The following OR4A47 variants were observed in gnomAD, a reference collection of about 807,000 sequenced individuals.
The protein encoded by OR4A47 is olfactory receptor 4A47.
Under a neutral mutation model 16.2 loss-of-function variants are expected in OR4A47, and 19 were observed. The observed-to-expected ratio is 1.17, with a 90% confidence interval of 0.82 to 1.72. OR4A47 has a LOEUF of 1.72. Ranked by LOEUF, OR4A47 falls within the 40% of genes most tolerant of loss-of-function variation. The pLI is 0.00. For missense variants in OR4A47, 460 were observed against 361.1 expected (o/e 1.27, Z -2.22); for synonymous variants, 180 against 136.0 (o/e 1.32, Z -2.25).
In OR4A47 at chr11:48,488,929, C is replaced by A; in HGVS notation, c.137C>A (p.Thr46Asn). ...GTGGGCAACCTGCTCATTGTAGTGACCGTAACTGTCAGTGAGACCCTGGGC... is the reference window on the plus strand; with the variant it reads ...GTGGGCAACCTGCTCATTGTAGTGAACGTAACTGTCAGTGAGACCCTGGGC... The part of the protein sequence containing the change: ...TMVGNLLIVV[T>N]VTVSETLGSP... The change falls in exon 1 of 1, where the codon ACC becomes AAC. Residue 46 changes from threonine to asparagine, a missense_variant. Coordinates refer to ENST00000446524, the MANE Select transcript of OR4A47 (RefSeq NM_001005512.2). 1.2e-6 allele frequency: 2 copies of A among 1,613,738 alleles called. No homozygotes were observed. The highest frequency in any genetic ancestry group is 1.7e-6 in the Non-Finnish European group (2 of 1,179,776).
chr11:48,489,676 C>T lies in OR4A47; in HGVS notation c.884C>T (p.Ala295Val), dbSNP rs770395557. The T allele has an allele frequency of 6.8e-6, 11 of 1,611,392 alleles. No individual in the cohort carries two copies. The highest frequency in any genetic ancestry group is 3.3e-5 in the South Asian group (3 of 91,040). The part of the protein sequence containing the change: ...YTLRNSEMTS[A>V]MKKLWRRDLI... ...CTGAGAAATTCTGAGATGACAAGTG[C>T]TATGAAGAAGCTCTGGAGAAGAGAC... The change falls in exon 1 of 1, where the codon GCT (alanine) becomes GTT (valine). Residue 295 changes from alanine to valine, a missense_variant. By Grantham distance (64) the Ala-to-Val change is moderately conservative. Coordinates refer to ENST00000446524, the MANE Select transcript of OR4A47 (RefSeq NM_001005512.2).
In OR4A47 at chr11:48,488,929, C is replaced by G; in HGVS notation, c.137C>G (p.Thr46Ser). 6.2e-7 allele frequency: 1 copy of G among 1,613,738 alleles called. No homozygotes were observed. The highest frequency in any genetic ancestry group is 1.7e-4 in the Middle Eastern group (1 of 6,054). The change falls in exon 1 of 1, where the codon ACC (threonine) becomes AGC (serine). Residue 46 changes from threonine (T) to serine (S), a missense_variant. Transcript: ENST00000446524. ...GTGGGCAACCTGCTCATTGTAGTGACCGTAACTGTCAGTGAGACCCTGGGC... is the reference window on the plus strand; with the variant it reads ...GTGGGCAACCTGCTCATTGTAGTGAGCGTAACTGTCAGTGAGACCCTGGGC... ...TMVGNLLIVVTVTVSETLGSP... is the reference protein window; with the variant it reads ...TMVGNLLIVVSVTVSETLGSP...
In OR4A47 at chr11:48,489,422, G is replaced by A. The variant is rs745372067; in HGVS notation, c.630G>A (p.Leu210=). The A allele has an allele frequency of 3.1e-6, 5 of 1,613,612 alleles. No homozygotes were observed. Among genetic ancestry groups the A allele is most frequent in the African/African-American group, 2.7e-5 (2 of 74,868 alleles). Residue 210 remains leucine (L), a synonymous_variant, in exon 1 of 1, where the codon CTG becomes CTA. Coordinates refer to ENST00000446524, the MANE Select transcript of OR4A47 (RefSeq NM_001005512.2). ...NGGLACTIVF[L]LLLISYGVIL... ...GACTGGCTTGCACTATTGTGTTTCT[G>A]CTCTTACTCATCTCTTATGGTGTCA...
chr11:48,489,254 A>G lies in OR4A47; in HGVS notation c.462A>G (p.Ser154=). Residue 154 remains serine (S), a synonymous_variant, in exon 1 of 1, where the codon TCA becomes TCG. Coordinates refer to ENST00000446524, the MANE Select transcript of OR4A47 (RefSeq NM_001005512.2). ...CCTGGGTTGGAGGATTTCTGCACTC[A>G]GTATTTCAACTTAGCATTATTTATG... is the stretch of plus-strand genomic sequence containing the variant. ...VVSWVGGFLH[S]VFQLSIIYGL... is the part of the protein sequence containing the mutation. The G allele has an allele frequency of 6.2e-7, 1 of 1,613,730 alleles. No homozygotes were observed. Among genetic ancestry groups the G allele is most frequent in the South Asian group, 1.1e-5 (1 of 91,044 alleles).
In OR4A47 at chr11:48,489,054, A is replaced by G. The variant is rs1852669658; in HGVS notation, c.262A>G (p.Asn88Asp). The G allele has an allele frequency of 6.2e-7, 1 of 1,613,668 alleles. No individual in the cohort carries two copies. Among genetic ancestry groups the G allele is most frequent in the Non-Finnish European group, 8.5e-7 (1 of 1,179,826 alleles). ...GATTTCAGGCTTGTTCTTTGGGAAT[A>G]ATTCCATATCCTTCCAATCTTGCAT... ...RLISGLFFGNNSISFQSCMAQ... is the reference protein window; with the variant it reads ...RLISGLFFGNDSISFQSCMAQ... The change falls in exon 1 of 1, where the codon AAT (asparagine) becomes GAT (aspartate). Residue 88 changes from asparagine to aspartate, a missense_variant. Physicochemically the swap from Asn to Asp is conservative, Grantham distance 23 (BLOSUM62 1). Transcript: ENST00000446524.
At position 48,489,683 on chromosome 11, in the gene OR4A47, G is replaced by A. The variant is rs774657633; in HGVS notation, c.891G>A (p.Lys297=). The change falls in exon 1 of 1, where the codon AAG becomes AAA. Residue 297 remains lysine (K), a synonymous_variant. Transcript: ENST00000446524. ...ATTCTGAGATGACAAGTGCTATGAA[G>A]AAGCTCTGGAGAAGAGACCTCATAT... is the stretch of plus-strand genomic sequence containing the variant. ...LRNSEMTSAM[K]KLWRRDLISS... 34 of 1,610,602 alleles carry A rather than the reference G, an allele frequency of 2.1e-5. No homozygotes were observed. Among genetic ancestry groups the A allele is most frequent in the South Asian group, 5.5e-5 (5 of 91,052 alleles).
rs185596655 is a variant in OR4A47 at position 48,489,391 on chromosome 11, A to G, written c.599A>G (p.Asn200Ser). The change falls in exon 1 of 1, where the codon AAT (asparagine) becomes AGT (serine). Residue 200 changes from asparagine (N) to serine (S), a missense_variant. Coordinates refer to ENST00000446524, the MANE Select transcript of OR4A47 (RefSeq NM_001005512.2). ...THAIGLLVVA[N>S]GGLACTIVFL... Reference sequence around the variant, plus strand: ...GCTATTGGCCTCTTAGTGGTGGCCAATGGAGGACTGGCTTGCACTATTGTG... The same window carrying G: ...GCTATTGGCCTCTTAGTGGTGGCCAGTGGAGGACTGGCTTGCACTATTGTG... The G allele has an allele frequency of 1.1e-5, 18 of 1,613,836 alleles. No individual in the cohort carries two copies. The highest frequency in any genetic ancestry group is 8.9e-5 in the East Asian group (4 of 44,870).
In OR4A47 at chr11:48,489,164, C is replaced by A; in HGVS notation, c.372C>A (p.Ile124=). 1 of 1,613,930 alleles carries A rather than the reference C, an allele frequency of 6.2e-7. No homozygotes were observed. The highest frequency in any genetic ancestry group is 8.5e-7 in the Non-Finnish European group (1 of 1,179,904). ...LVMAYDCYVA[I]CKPLHYLVIM... ...TGGCCTATGACTGCTATGTGGCCAT[C>A]TGTAAGCCCTTGCATTATTTGGTTA... The change falls in exon 1 of 1, where the codon ATC becomes ATA. Residue 124 remains isoleucine (I), a synonymous_variant. Transcript: ENST00000446524.
In OR4A47 at chr11:48,489,208, G is replaced by A; in HGVS notation, c.416G>A (p.Cys139Tyr). 2 of 1,613,794 alleles carry A rather than the reference G, an allele frequency of 1.2e-6. No individual in the cohort carries two copies. The highest frequency in any genetic ancestry group is 1.7e-6 in the Non-Finnish European group (2 of 1,179,816). ...TTGGTTATCATGAGACAATGGGTGT[G>A]TGTTGTGCTGCTGGTAGTGTCCTGG... ...HYLVIMRQWV[C>Y]VVLLVVSWVG... Residue 139 changes from cysteine to tyrosine, a missense_variant, in exon 1 of 1, where the codon TGT (cysteine) becomes TAT (tyrosine). Coordinates refer to ENST00000446524, the MANE Select transcript of OR4A47 (RefSeq NM_001005512.2).
Position 48,489,573 on chromosome 11 carries a change from A to G in OR4A47, c.781A>G (p.Arg261Gly), listed in dbSNP as rs768790757. 10 of 1,613,886 alleles carry G rather than the reference A, an allele frequency of 6.2e-6. No homozygotes were observed. Among genetic ancestry groups the G allele is most frequent in the Non-Finnish European group, 3.4e-6 (4 of 1,179,856 alleles). Reference protein sequence around the residue: ...PCIFMYARPARTFPIDKSVSV... With the variant: ...PCIFMYARPAGTFPIDKSVSV... ...TATTTTTATGTATGCTAGACCTGCT[A>G]GGACCTTCCCCATTGACAAATCAGT... The change falls in exon 1 of 1, where the codon AGG becomes GGG. Residue 261 changes from arginine to glycine, a missense_variant. By Grantham distance (125) the Arg-to-Gly change is moderately radical (BLOSUM62 -2). Coordinates refer to ENST00000446524, the MANE Select transcript of OR4A47 (RefSeq NM_001005512.2).
chr11:48,488,930 C>T lies in OR4A47; in HGVS notation c.138C>T (p.Thr46=), dbSNP rs139144827. Residue 46 remains threonine (T), a synonymous_variant, in exon 1 of 1, where the codon ACC becomes ACT. Coordinates refer to ENST00000446524, the MANE Select transcript of OR4A47 (RefSeq NM_001005512.2). ...TGGGCAACCTGCTCATTGTAGTGACCGTAACTGTCAGTGAGACCCTGGGCT... is the reference window on the plus strand; with the variant it reads ...TGGGCAACCTGCTCATTGTAGTGACTGTAACTGTCAGTGAGACCCTGGGCT... ...TMVGNLLIVV[T]VTVSETLGSP... 150 of 1,613,520 alleles carry T rather than the reference C, an allele frequency of 9.3e-5. No homozygotes were observed. Among genetic ancestry groups the T allele is most frequent in the Non-Finnish European group, 1.2e-4 (139 of 1,179,738 alleles).
rs773681256 is a variant in OR4A47 at position 48,489,627 on chromosome 11, A to T, written c.835A>T (p.Met279Leu). 30 of 1,612,980 alleles carry T rather than the reference A, an allele frequency of 1.9e-5. No homozygotes were observed. The South Asian group carries it at 2.9e-4, about 15-fold the overall frequency. The change falls in exon 1 of 1, where the codon ATG (methionine) becomes TTG (leucine). Residue 279 changes from methionine to leucine, a missense_variant. Met to Leu is a conservative substitution (Grantham distance 15). Coordinates refer to ENST00000446524, the MANE Select transcript of OR4A47 (RefSeq NM_001005512.2). Reference sequence around the variant, plus strand: ...TGTGTTTTATACAGTCATAACCCCAATGCTGAACCCCTTAATCTACACTCT... The same window carrying T: ...TGTGTTTTATACAGTCATAACCCCATTGCTGAACCCCTTAATCTACACTCT... ...VSVFYTVITP[M>L]LNPLIYTLRN...
Position 48,489,294 on chromosome 11 carries a change from G to A in OR4A47, c.502G>A (p.Gly168Ser). Residue 168 changes from glycine to serine, a missense_variant, in exon 1 of 1, where the codon GGC becomes AGC. Coordinates refer to ENST00000446524, the MANE Select transcript of OR4A47 (RefSeq NM_001005512.2). ...CATTATTTATGGGCTCCCATTCTGT[G>A]GCCCCAATGTCATTGATCATTTTTT... ...LSIIYGLPFC[G>S]PNVIDHFFCD... is the part of the protein sequence containing the mutation. 6.2e-7 allele frequency: 1 copy of A among 1,613,728 alleles called. No individual in the cohort carries two copies. Among genetic ancestry groups the A allele is most frequent in the Non-Finnish European group, 8.5e-7 (1 of 1,179,802 alleles).
rs765912978 is a variant in OR4A47, at chr11:48,488,977, C to T, written c.185C>T (p.Ala62Val). The change falls in exon 1 of 1, where the codon GCT becomes GTT. Residue 62 changes from alanine to valine, a missense_variant. Transcript: ENST00000446524. ...GGCTCACCAATGTACTTCTTTCTTG[C>T]TGGCTTATCATTTATAGATATCATT... ...TLGSPMYFFL[A>V]GLSFIDIIYS... The T allele has an allele frequency of 1.9e-6, 3 of 1,613,860 alleles. No individual in the cohort carries two copies. The Admixed American group carries it at 5.0e-5, about 27-fold the overall frequency.
rs753260513 is a variant in OR4A47, at chr11:48,489,472, G to A, written c.680G>A (p.Ser227Asn). ...ATCTTGCACTCTTTAAAGAACCTTA[G>A]TCAGAAAGGGAGGCAAAAAGCCCTC... is the stretch of plus-strand genomic sequence containing the variant. ...GVILHSLKNL[S>N]QKGRQKALST... Residue 227 changes from serine to asparagine, a missense_variant, in exon 1 of 1, where the codon AGT becomes AAT. Transcript: ENST00000446524. The A allele has an allele frequency of 3.7e-6, 6 of 1,613,794 alleles. No individual in the cohort carries two copies. The highest frequency in any genetic ancestry group is 1.1e-5 in the South Asian group (1 of 91,056).
rs759878805 is a variant in OR4A47 at position 48,489,058 on chromosome 11, C to G, written c.266C>G (p.Ser89Cys). Residue 89 changes from serine to cysteine, a missense_variant, in exon 1 of 1, where the codon TCC becomes TGC. Physicochemically the swap from Ser to Cys is moderately radical, Grantham distance 112 (BLOSUM62 -1). Coordinates refer to ENST00000446524, the MANE Select transcript of OR4A47 (RefSeq NM_001005512.2). ...TCAGGCTTGTTCTTTGGGAATAATT[C>G]CATATCCTTCCAATCTTGCATGGCC... ...LISGLFFGNN[S>C]ISFQSCMAQL... 1 of 1,613,854 alleles carries G rather than the reference C, an allele frequency of 6.2e-7. No homozygotes were observed. Among genetic ancestry groups the G allele is most frequent in the East Asian group, 2.2e-5 (1 of 44,882 alleles).
rs746132048 is a variant in OR4A47, at chr11:48,489,564, A to G, written c.772A>G (p.Arg258Gly). ...TGTTCCTTGTATTTTTATGTATGCTAGACCTGCTAGGACCTTCCCCATTGA... is the reference window on the plus strand; with the variant it reads ...TGTTCCTTGTATTTTTATGTATGCTGGACCTGCTAGGACCTTCCCCATTGA... ...FFVPCIFMYARPARTFPIDKS... is the reference protein window; with the variant it reads ...FFVPCIFMYAGPARTFPIDKS... Residue 258 changes from arginine to glycine, a missense_variant, in exon 1 of 1, where the codon AGA (arginine) becomes GGA (glycine). Transcript: ENST00000446524. 1 of 1,613,896 alleles carries G rather than the reference A, an allele frequency of 6.2e-7. No homozygotes were observed. Among genetic ancestry groups the G allele is most frequent in the Non-Finnish European group, 8.5e-7 (1 of 1,179,856 alleles).
chr11:48,488,839 C>T lies in OR4A47; in HGVS notation c.47C>T (p.Thr16Ile), dbSNP rs558336169. ...NVTDFVLLGF[T>I]QNPKEQKVLF... ...ACTGACTTTGTCCTCTTGGGCTTCA[C>T]ACAGAATCCAAAGGAGCAGAAAGTA... The change falls in exon 1 of 1, where the codon ACA becomes ATA. Residue 16 changes from threonine (T) to isoleucine (I), a missense_variant. Physicochemically the swap from Thr to Ile is moderately conservative, Grantham distance 89. Coordinates refer to ENST00000446524, the MANE Select transcript of OR4A47 (RefSeq NM_001005512.2). 1.9e-6 allele frequency: 3 copies of T among 1,612,594 alleles called. No homozygotes were observed. Among genetic ancestry groups the T allele is most frequent in the East Asian group, 4.5e-5 (2 of 44,804 alleles).
rs2134577978 is a variant in OR4A47 at position 48,488,952 on chromosome 11, G to A, written c.160G>A (p.Gly54Ser). Residue 54 changes from glycine (G) to serine (S), a missense_variant, in exon 1 of 1, where the codon GGC becomes AGC. Coordinates refer to ENST00000446524, the MANE Select transcript of OR4A47 (RefSeq NM_001005512.2). ...VVTVTVSETL[G>S]SPMYFFLAGL... ...GACCGTAACTGTCAGTGAGACCCTGGGCTCACCAATGTACTTCTTTCTTGC... is the reference window on the plus strand; with the variant it reads ...GACCGTAACTGTCAGTGAGACCCTGAGCTCACCAATGTACTTCTTTCTTGC... The A allele has an allele frequency of 6.2e-7, 1 of 1,613,720 alleles. No individual in the cohort carries two copies. Among genetic ancestry groups the A allele is most frequent in the Non-Finnish European group, 8.5e-7 (1 of 1,179,816 alleles).
Sources: allele counts gnomAD v4.1 joint callset, GRCh38; gene constraint gnomAD v4.1.1; transcripts MANE v1.5; gene names NCBI Gene and HGNC (gene_info 2026-07-23, HGNC 2026-07-21).